Variants in TAF3 observed in about 807,000 individuals in gnomAD.
The protein encoded by TAF3 is transcription initiation factor TFIID subunit 3.
A neutral mutation model predicts 80.6 loss-of-function variants in TAF3; 7 were observed. That is an observed-to-expected ratio of 0.09 (90% CI 0.05 to 0.16). TAF3 has a LOEUF of 0.16. Ranked by LOEUF, TAF3 falls within the 10% of genes least tolerant of loss-of-function variation. The pLI is 1.00. For synonymous variants in TAF3, 444 were observed against 446.1 expected (o/e 1.00, Z 0.06); for missense variants, 921 against 1,140.2 (o/e 0.81, Z 2.77).
intron 4 of TAF3, among the ~76,000 whole-genome samples, chr10:7,977,619 A>G (rs998842858): frequency 2.6e-5 from 4 of 152,230 alleles, no homozygotes; most frequent in African/African-American, 9.7e-5. Flanking sequence ...GAAAAATAAG[A>G]AACTCTGTAC....
At chr10:7,883,804 C>T (rs1437699088) in intron 2 of TAF3, among the ~76,000 whole-genome samples, 4 of 152,130 alleles carry the variant, frequency 2.6e-5, no homozygotes, top group Non-Finnish European at 4.4e-5. Context: ...GCTTAGAATA[C>T]CTGGGTAATT....
chr10:7,985,680 G>C (rs1204352254), intron 4 of TAF3, among the ~76,000 whole-genome samples: 2 of 151,966 alleles, frequency 1.3e-5, no homozygotes, highest in Admixed American at 6.6e-5. Flanking sequence ...GTACAAACCC[G>C]GTCTGCCGTT....
At position 7,964,467 on chromosome 10, in the gene TAF3, G is replaced by A. The variant is rs1183699157; in HGVS notation, c.957G>A (p.Lys319=). 2.5e-6 allele frequency: 4 copies of A among 1,613,636 alleles called. No individual in the cohort carries two copies. The highest frequency in any genetic ancestry group is 3.4e-6 in the Non-Finnish European group (4 of 1,179,890). The change falls in exon 3 of 7, where the codon AAG becomes AAA. Residue 319 remains lysine (K), a synonymous_variant. Transcript: ENST00000344293. This position sits in a 1 kb window ranked among gnomAD's most constrained non-coding sequence, Gnocchi z 4.1. ...KKSPGRSKSP[K]SPKSPKVTTH... is the part of the protein sequence containing the mutation. ...CACCTGGACGTTCCAAGAGCCCCAA[G>A]AGTCCCAAGAGCCCCAAGGTCACGA...
intron 2 of TAF3, among the ~76,000 whole-genome samples, chr10:7,894,610 C>CCAATTA (rs1837489301): frequency 2.6e-5 from 4 of 152,086 alleles, no homozygotes; most frequent in African/African-American, 9.7e-5. Flanking sequence ...ATTTTCTGTT[C>CCAATTA]ATTTTTTTAG....
At chr10:7,904,411 AC>A (rs1443334503) in intron 2 of TAF3, among the ~76,000 whole-genome samples, 1 of 152,298 alleles carries the variant, frequency 6.6e-6, no homozygotes, top group East Asian at 1.9e-4. Context: ...ACCCCCATTA[AC>A]TGTTAATGCC....
At chr10:7,994,505 G>GTATT (rs1831865544) in intron 4 of TAF3, among the ~76,000 whole-genome samples, 1 of 152,076 alleles carries the variant, frequency 6.6e-6, no homozygotes, top group Non-Finnish European at 1.5e-5. Flanking sequence ...TTACTGTTAC[G>GTATT]TATTTATTTA....
rs374189521 is a variant in TAF3, at chr10:7,847,892, C to A, written c.409+23332C>A. Among the ~76,000 whole-genome samples the A allele has an allele frequency of 6.6e-5, 10 of 152,256 alleles. No homozygotes were observed. The East Asian group carries it at 1.2e-3, about 18-fold the overall frequency. On this transcript the variant is annotated intron_variant, in intron 2 of 6. Coordinates refer to ENST00000344293, the MANE Select transcript of TAF3 (RefSeq NM_031923.4). ...AAGTGATTCTCCTGAGGCTGAGCCT[C>A]CCGAGTAGCTGAGACTACAGGCACC...
intron 2 of TAF3, among the ~76,000 whole-genome samples, chr10:7,957,230 C>T (rs1453377988): frequency 1.3e-5 from 2 of 152,094 alleles, no homozygotes; most frequent in African/African-American, 4.8e-5. Flanking sequence ...CACTGTCCTT[C>T]AAAGCTTCCC....
At chr10:7,886,445 A>G (rs976014262) in intron 2 of TAF3, among the ~76,000 whole-genome samples, 4 of 151,974 alleles carry the variant, frequency 2.6e-5, no homozygotes, top group African/African-American at 7.3e-5. Flanking sequence ...ATATGTAACT[A>G]TTTTTTTCTT....
intron 2 of TAF3, among the ~76,000 whole-genome samples, chr10:7,834,946 T>C (rs1836836980): frequency 1.3e-5 from 2 of 152,250 alleles, no homozygotes; most frequent in Non-Finnish European, 2.9e-5. Context: ...TTTTGATTTA[T>C]ATACTTTCAT....
At chr10:7,966,920 A>G (rs1436867344) in intron 3 of TAF3, among the ~76,000 whole-genome samples, 1 of 152,240 alleles carries the variant, frequency 6.6e-6, no homozygotes, top group Non-Finnish European at 1.5e-5. Flanking sequence ...ACAAGTTAAC[A>G]AGACACAGAA....
At chr10:7,943,945 A>G (rs1837999404) in intron 2 of TAF3, among the ~76,000 whole-genome samples, 2 of 152,196 alleles carry the variant, frequency 1.3e-5, no homozygotes, top group South Asian at 4.1e-4. Flanking sequence ...TCAGCTCATT[A>G]TAATAGGGTT....
In TAF3 at chr10:8,009,368, T is replaced by TGAAA. The variant is rs1832030794; in HGVS notation, c.2568+38_2568+39insGAAA. ...CGCCCGCGCGGTTAGCATGGAGACG[T>TGAAA]TTTCAGATCGAGACAAGTGTGTGCT... On this transcript the variant is annotated intron_variant, in intron 5 of 6. Coordinates refer to ENST00000344293, the MANE Select transcript of TAF3 (RefSeq NM_031923.4). This position sits in a 1 kb window ranked among gnomAD's most constrained non-coding sequence, Gnocchi z 4.1. 1 of 1,570,208 alleles carries TGAAA rather than the reference T, an allele frequency of 6.4e-7. No individual in the cohort carries two copies. Among genetic ancestry groups the TGAAA allele is most frequent in the Non-Finnish European group, 8.6e-7 (1 of 1,156,746 alleles).
At chr10:7,967,564 A>G in intron 3 of TAF3, among the ~76,000 whole-genome samples, 1 of 152,226 alleles carries the variant, frequency 6.6e-6, no homozygotes, top group Middle Eastern at 3.2e-3. Flanking sequence ...AAAGATAAAA[A>G]TGTAGAAAAT....
In TAF3 at chr10:7,818,544, C is replaced by T; in HGVS notation, c.-166C>T. The stretch of plus-strand genomic sequence containing the variant: ...CGAGTCCAAAATGGCGGCTCTCAGG[C>T]TGGCGCGCTCCGTGCTGCTGGGGCT... On this transcript the variant is annotated 5_prime_UTR_variant, in exon 1 of 7. Transcript: ENST00000344293. 6.2e-6 allele frequency: 4 copies of T among 648,844 alleles called. No homozygotes were observed. The highest frequency in any genetic ancestry group is 3.9e-5 in the Admixed American group (1 of 25,518). The allele number at this position is 648,844 out of a possible 1,614,324, so 40.2% of individuals were successfully genotyped here. A position where few individuals can be genotyped will look rare whatever the true frequency, so the allele number is the denominator to read the frequency against.
intron 2 of TAF3, among the ~76,000 whole-genome samples, chr10:7,848,473 C>T (rs1418471682): frequency 6.6e-6 from 1 of 152,128 alleles, no homozygotes; most frequent in Non-Finnish European, 1.5e-5. Flanking sequence ...ATTTTGTCTG[C>T]AATTGAGTAT....
rs71505465 is a variant in TAF3 at position 7,842,151 on chromosome 10, G to GTT, written c.409+17602_409+17603dup. ...CATTGTAGGATATTGAATTAATATT[G>GTT]TTTTTTTTTTTTGTTTTTTTTTTTG... is the stretch of plus-strand genomic sequence containing the variant. On this transcript the variant is annotated intron_variant, in intron 2 of 6. Transcript: ENST00000344293. 6.1e-4 allele frequency among the ~76,000 whole-genome samples: 60 copies of GTT among 98,788 alleles called. 3 individuals carry two copies. Among genetic ancestry groups the GTT allele is most frequent in the Non-Finnish European group, 8.8e-4 (41 of 46,632 alleles). 64.8% of individuals were successfully genotyped at this position (98,788 alleles called of 152,430 possible).
intron 2 of TAF3, among the ~76,000 whole-genome samples, chr10:7,840,692 G>A (rs1008788001): frequency 5.9e-5 from 9 of 152,036 alleles, no homozygotes; most frequent in African/African-American, 2.2e-4. Flanking sequence ...CTCAGTGTAA[G>A]ACCCCAAAGT....
chr10:8,011,751 G>C (rs1832058208), intron 5 of TAF3, among the ~76,000 whole-genome samples: 1 of 152,196 alleles, frequency 6.6e-6, no homozygotes, highest in Non-Finnish European at 1.5e-5. Context: ...GTCTTCATCT[G>C]TAATTAAGGA....
Sources: allele counts gnomAD v4.1 joint callset (sites outside exome capture counted in the v4.1 genomes callset), GRCh38; gene constraint gnomAD v4.1.1; non-coding constraint Gnocchi (gnomAD v3.1); transcripts MANE v1.5; gene names NCBI Gene and HGNC (gene_info 2026-07-23, HGNC 2026-07-21).